KLHL20: variants seen among roughly 807,000 people sequenced by gnomAD.
KLHL20 encodes kelch like family member 20, also known as kelch-like protein 20.
A neutral mutation model predicts 69.5 loss-of-function variants in KLHL20; 29 were observed. That is an observed-to-expected ratio of 0.42 (90% CI 0.31 to 0.57). KLHL20 has a LOEUF of 0.57. Ranked by LOEUF, KLHL20 falls within the 20% of genes least tolerant of loss-of-function variation. KLHL20 has a pLI of 0.18. For synonymous variants in KLHL20, 253 were observed against 265.2 expected (o/e 0.95, Z 0.45); for missense variants, 419 against 776.0 (o/e 0.54, Z 5.47).
At position 173,782,261 on chromosome 1, in the gene KLHL20, C is replaced by T. The variant is rs761088892; in HGVS notation, c.1745+31C>T. On this transcript the variant is annotated intron_variant, in intron 11 of 11. Transcript: ENST00000209884. Reference sequence around the variant, plus strand: ...TTTTAAGCTGTGTAGCAAATCACCTCACTACTGATTTGGAAATCATGGGCT... The same window carrying T: ...TTTTAAGCTGTGTAGCAAATCACCTTACTACTGATTTGGAAATCATGGGCT... The T allele has an allele frequency of 2.0e-6, 3 of 1,483,892 alleles. No individual in the cohort carries two copies. In the East Asian group the frequency reaches 6.8e-5, roughly 34 times the overall value. The allele number at this position is 1,483,892 out of a possible 1,614,324, so 91.9% of individuals were successfully genotyped here. A position where few individuals can be genotyped will look rare whatever the true frequency, so the allele number is the denominator to read the frequency against.
chr1:173,762,843 C>A (rs1462436435), intron 7 of KLHL20, among the ~76,000 whole-genome samples: 1 of 152,112 alleles, frequency 6.6e-6, no homozygotes, highest in Non-Finnish European at 1.5e-5. Flanking sequence ...TCTCACCACT[C>A]CTCTTCAACA....
intron 5 of KLHL20, among the ~76,000 whole-genome samples, chr1:173,753,883 TTAAAG>T (rs1673419608): frequency 6.6e-6 from 1 of 152,228 alleles, no homozygotes; most frequent in Admixed American, 6.5e-5. Context: ...TAGGCTGTCT[TTAAAG>T]TATATACAAA....
intron 8 of KLHL20, among the ~76,000 whole-genome samples, chr1:173,774,068 G>A (rs1475898483): frequency 6.6e-6 from 1 of 151,896 alleles, no homozygotes; most frequent in Non-Finnish European, 1.5e-5. Flanking sequence ...GAAGTCATAG[G>A]TTGTTTTCTT....
At chr1:173,781,881 T>C (rs1316781349) in intron 10 of KLHL20, 2 of 354,500 alleles carry the variant, frequency 5.6e-6, no homozygotes, top group African/African-American at 2.1e-5. Context: ...TAGTGAACAG[T>C]TTTTCTAAAA....
At chr1:173,730,959 G>A (rs1246027090) in intron 2 of KLHL20, among the ~76,000 whole-genome samples, 1 of 152,102 alleles carries the variant, frequency 6.6e-6, no homozygotes, top group Admixed American at 6.6e-5. Context: ...GAAAATTTTT[G>A]CAATCTACTC....
chr1:173,745,100 A>G (rs971584939), intron 3 of KLHL20, among the ~76,000 whole-genome samples: 1 of 151,738 alleles, frequency 6.6e-6, no homozygotes, highest in African/African-American at 2.4e-5. Context: ...TTATTTCTTC[A>G]ATTGTATTTT....
chr1:173,784,259 T>C (rs930455929), intron 11 of KLHL20, among the ~76,000 whole-genome samples: 1 of 152,080 alleles, frequency 6.6e-6, no homozygotes, highest in African/African-American at 2.4e-5. Context: ...GAAGGCCTCA[T>C]TGGAAAGGTA....
At chr1:173,718,495 G>A (rs1376140998) in intron 2 of KLHL20, among the ~76,000 whole-genome samples, 2 of 151,106 alleles carry the variant, frequency 1.3e-5, no homozygotes, top group Admixed American at 6.6e-5. Flanking sequence ...CAGTTAAGCC[G>A]TGATCATACC....
At chr1:173,744,398 C>T (rs972697683) in intron 3 of KLHL20, among the ~76,000 whole-genome samples, 1 of 152,006 alleles carries the variant, frequency 6.6e-6, no homozygotes, top group Non-Finnish European at 1.5e-5. Flanking sequence ...GCCTTTTATC[C>T]ATGATACATG....
At chr1:173,777,312 GGA>G (rs1234847717) in intron 10 of KLHL20, among the ~76,000 whole-genome samples, 2 of 152,102 alleles carry the variant, frequency 1.3e-5, no homozygotes, top group Non-Finnish European at 2.9e-5. Context: ...GCTTTTTGGT[GGA>G]GTCTTTAGGT....
chr1:173,729,558 G>T (rs1323261788), intron 2 of KLHL20, among the ~76,000 whole-genome samples: 1 of 152,150 alleles, frequency 6.6e-6, no homozygotes, highest in Non-Finnish European at 1.5e-5. Context: ...GGGATGCAAG[G>T]CTGGTTCAAC....
intron 2 of KLHL20, among the ~76,000 whole-genome samples, chr1:173,722,459 C>G (rs532671001): frequency 6.6e-6 from 1 of 151,736 alleles, no homozygotes; most frequent in South Asian, 2.1e-4. Context: ...TTGTCTCTAC[C>G]AAAAAATTAA....
At chr1:173,722,865 T>G (rs1180508173) in intron 2 of KLHL20, among the ~76,000 whole-genome samples, 1 of 152,064 alleles carries the variant, frequency 6.6e-6, no homozygotes, top group Non-Finnish European at 1.5e-5. Flanking sequence ...AATTTTTGTA[T>G]TTTTAGTAGA....
intron 3 of KLHL20, among the ~76,000 whole-genome samples, chr1:173,740,223 G>T (rs1295001921): frequency 6.7e-6 from 1 of 149,712 alleles, no homozygotes; most frequent in Non-Finnish European, 1.5e-5. Flanking sequence ...CTGGGTTCAC[G>T]CCATTCTCCT....
chr1:173,776,835 A>G (rs927443616), intron 10 of KLHL20, among the ~76,000 whole-genome samples: 11 of 152,074 alleles, frequency 7.2e-5, no homozygotes, highest in African/African-American at 2.4e-4. Context: ...CTTTAGTATA[A>G]TTTGAAGTCA....
intron 2 of KLHL20, among the ~76,000 whole-genome samples, chr1:173,729,927 T>C (rs1049403542): frequency 6.6e-6 from 1 of 152,176 alleles, no homozygotes; most frequent in Admixed American, 6.5e-5. Context: ...GGAAGTCAAA[T>C]TGTCCCTGTT....
At chr1:173,732,210 A>T (rs957549413) in intron 2 of KLHL20, among the ~76,000 whole-genome samples, 1 of 151,756 alleles carries the variant, frequency 6.6e-6, no homozygotes, top group Non-Finnish European at 1.5e-5. Context: ...AAAAAAAAAA[A>T]CCAGTGTGAT....
chr1:173,757,329 A>G (rs763133516), intron 7 of KLHL20, among the ~76,000 whole-genome samples, 170 bp downstream of exon 7: 4 of 152,026 alleles, frequency 2.6e-5, no homozygotes, highest in Admixed American at 6.6e-5. Flanking sequence ...GTCTCCGCCT[A>G]TTTTTCTAGT....
At chr1:173,735,935 TC>T (rs1478577770) in intron 3 of KLHL20, among the ~76,000 whole-genome samples, 6 of 136,228 alleles carry the variant, frequency 4.4e-5, no homozygotes, top group Admixed American at 1.7e-4. Context: ...TGCCATTCTA[TC>T]TTTTTTTTTT....
Sources: gnomAD v4.1 joint callset for allele counts (sites outside exome capture counted in the v4.1 genomes callset) on GRCh38, gnomAD v4.1.1 for gene constraint, MANE v1.5 for transcripts, NCBI Gene and HGNC (gene_info 2026-07-23, HGNC 2026-07-21) for gene names.